Variants in BSN observed in about 807,000 individuals in gnomAD.
The protein encoded by BSN is protein bassoon.
In BSN, 57 loss-of-function variants were observed where a neutral mutation model predicts 264.8. The ratio of observed to expected loss-of-function variants is 0.22; its 90% CI spans 0.17 to 0.27. The LOEUF (loss-of-function observed/expected upper bound fraction) is 0.27. Ranked by LOEUF, BSN falls within the 10% of genes least tolerant of loss-of-function variation. The probability of loss-of-function intolerance (pLI) is 1.00; values close to 1 mark genes in which losing one functional copy is unlikely to be tolerated. For missense variants in BSN, 4,615 were observed against 5,232.5 expected, an observed-to-expected ratio of 0.88 and a Z score of 3.64; for synonymous variants, 2,059 against 2,137.3, an observed-to-expected ratio of 0.96 and a Z score of 1.01.
chr3:49,614,091 GCT>G (rs1189274809), intron 1 of BSN, among the ~76,000 whole-genome samples: 1 of 124,818 alleles, frequency 8.0e-6, no homozygotes, highest in East Asian at 2.3e-4. Flanking sequence ...ACGGAGTCTC[GCT>G]CTGTCGCCCA....
At chr3:49,562,589 A>G (rs1472959145) in intron 1 of BSN, among the ~76,000 whole-genome samples, 1 of 152,264 alleles carries the variant, frequency 6.6e-6, no homozygotes, top group South Asian at 2.1e-4. Context: ...CATTCATAAC[A>G]TTCACGTATT....
intron 2 of BSN, among the ~76,000 whole-genome samples, chr3:49,627,212 CCAGGA>C (rs2052347743): frequency 6.6e-6 from 1 of 152,198 alleles, no homozygotes; most frequent in Non-Finnish European, 1.5e-5. Context: ...TCACAGAGTT[CCAGGA>C]CAGGGCTATG....
chr3:49,650,401 G>A (rs1251945155), intron 3 of BSN, among the ~76,000 whole-genome samples: 2 of 152,118 alleles, frequency 1.3e-5, no homozygotes, highest in East Asian at 3.9e-4. Context: ...GTTGTTACTT[G>A]CATTCTGACT....
rs1446647989 is a variant in BSN at position 49,671,428 on chromosome 3, T to C, written c.*3943T>C. 6.6e-6 allele frequency: 1 copy of C among 152,646 alleles called. No individual in the cohort carries two copies. The allele number at this position is 152,646 out of a possible 1,614,324, so 9.5% of individuals were successfully genotyped here. On this transcript the variant is annotated 3_prime_UTR_variant, in exon 12 of 12. Coordinates refer to ENST00000296452, the MANE Select transcript of BSN (RefSeq NM_003458.4). The surrounding 1 kb of genome is among the most constrained non-coding windows in gnomAD (Gnocchi z 4.1). ...GACCCGAGTCCTCCACATGACCTTG[T>C]GAATTGTGTGCTGTCCTTCTGTGCT...
chr3:49,583,887 T>C (rs1025834531), intron 1 of BSN, among the ~76,000 whole-genome samples: 11 of 152,060 alleles, frequency 7.2e-5, no homozygotes, highest in Admixed American at 1.3e-4. Context: ...ATTTATTTAT[T>C]TATCAAGATG....
At chr3:49,596,296 C>T (rs990673915) in intron 1 of BSN, among the ~76,000 whole-genome samples, 5 of 152,062 alleles carry the variant, frequency 3.3e-5, no homozygotes, top group African/African-American at 7.2e-5. Context: ...CCCAGCTACT[C>T]GGGAGGCTGA....
At chr3:49,558,624 G>A (rs1408981519) in intron 1 of BSN, among the ~76,000 whole-genome samples, 1 of 152,202 alleles carries the variant, frequency 6.6e-6, no homozygotes, top group Non-Finnish European at 1.5e-5. Flanking sequence ...TAAAATGAAA[G>A]GACATAATTG....
intron 1 of BSN, among the ~76,000 whole-genome samples, chr3:49,619,987 C>G (rs979808751): frequency 1.3e-5 from 2 of 151,620 alleles, no homozygotes; most frequent in Non-Finnish European, 2.9e-5. Context: ...ACAGAACTGG[C>G]AGTTTAATGC....
intron 2 of BSN, among the ~76,000 whole-genome samples, chr3:49,627,986 C>T (rs182066384): frequency 3.3e-5 from 5 of 152,258 alleles, no homozygotes; most frequent in Admixed American, 3.3e-4. Flanking sequence ...TTGAGGAGGT[C>T]CAGCAGCCTG....
chr3:49,603,841 C>T (rs1231546000), intron 1 of BSN, among the ~76,000 whole-genome samples: 1 of 152,156 alleles, frequency 6.6e-6, no homozygotes, highest in Non-Finnish European at 1.5e-5. Flanking sequence ...TAAGCAGTTG[C>T]TCCCCATTTT....
chr3:49,644,260 C>A (rs2052489329), intron 3 of BSN, among the ~76,000 whole-genome samples: 1 of 152,332 alleles, frequency 6.6e-6, no homozygotes, highest in Admixed American at 6.5e-5. Flanking sequence ...CCATTTGTAG[C>A]TGATGGTGGC....
intron 1 of BSN, among the ~76,000 whole-genome samples, chr3:49,579,457 C>T (rs1028029236): frequency 6.6e-6 from 1 of 151,228 alleles, no homozygotes; most frequent in African/African-American, 2.4e-5. Flanking sequence ...GGCTGGAGTG[C>T]AGTGGCAGGA....
intron 2 of BSN, among the ~76,000 whole-genome samples, chr3:49,637,363 C>T (rs966062709): frequency 9.9e-5 from 15 of 152,134 alleles, no homozygotes; most frequent in African/African-American, 3.6e-4. Context: ...TCCTTTGGGG[C>T]CAGATATGGC....
chr3:49,664,593 CTCTGGT>C, intron 9 of BSN, 39 bp downstream of exon 9: 5 of 1,564,100 alleles, frequency 3.2e-6, no homozygotes, highest in Non-Finnish European at 4.3e-6. Flanking sequence ...TGGGTGGCTA[CTCTGGT>C]ACAGGCTGGG....
At chr3:49,593,688 C>T (rs2051997336) in intron 1 of BSN, among the ~76,000 whole-genome samples, 1 of 151,178 alleles carries the variant, frequency 6.6e-6, no homozygotes, top group Admixed American at 6.6e-5. Flanking sequence ...TGTGTATCCT[C>T]TTCAGTGTGT....
intron 3 of BSN, among the ~76,000 whole-genome samples, chr3:49,650,241 A>G (rs933935845): frequency 3.9e-5 from 6 of 152,186 alleles, no homozygotes; most frequent in Admixed American, 1.3e-4. Context: ...TGGACTCCAT[A>G]CCAGCCCACT....
intron 1 of BSN, among the ~76,000 whole-genome samples, chr3:49,584,525 A>G (rs2051919743): frequency 6.6e-6 from 1 of 151,988 alleles, no homozygotes; most frequent in Non-Finnish European, 1.5e-5. Context: ...GTATATATTT[A>G]TAAGGTACCT....
At chr3:49,602,898 T>C (rs929398932) in intron 1 of BSN, among the ~76,000 whole-genome samples, 2 of 152,244 alleles carry the variant, frequency 1.3e-5, no homozygotes, top group African/African-American at 4.8e-5. Context: ...CTGCACACTC[T>C]GCCCCTTCTT....
At chr3:49,556,337 G>T (rs1285093493) in intron 1 of BSN, among the ~76,000 whole-genome samples, 1 of 152,222 alleles carries the variant, frequency 6.6e-6, no homozygotes, top group African/African-American at 2.4e-5. Flanking sequence ...ATTCTGGAAA[G>T]ACCTGGGCAG....
Sources: gnomAD v4.1 joint callset for allele counts (sites outside exome capture counted in the v4.1 genomes callset) on GRCh38, gnomAD v4.1.1 for gene constraint, Gnocchi (gnomAD v3.1) non-coding constraint, MANE v1.5 for transcripts, NCBI Gene and HGNC (gene_info 2026-07-23, HGNC 2026-07-21) for gene names.